The following EPB41L1 variants were observed in gnomAD, a reference collection of about 807,000 sequenced individuals.
The protein encoded by EPB41L1 is band 4.1-like protein 1.
In EPB41L1, 29 loss-of-function variants were observed where a neutral mutation model predicts 97.8. The ratio of observed to expected loss-of-function variants is 0.30; its 90% CI spans 0.22 to 0.40. EPB41L1 has a LOEUF of 0.40. Ranked by LOEUF, EPB41L1 falls within the 10% of genes least tolerant of loss-of-function variation. The pLI, the probability that EPB41L1 is intolerant of heterozygous loss-of-function variation, is 1.00. For synonymous variants in EPB41L1, 383 were observed against 459.2 expected, an observed-to-expected ratio of 0.83 and a Z score of 2.12; for missense variants, 812 against 1,162.3, an observed-to-expected ratio of 0.70 and a Z score of 4.38.
intron 1 of EPB41L1, among the ~76,000 whole-genome samples, chr20:36,111,902 G>A (rs1017971692): frequency 6.6e-6 from 1 of 152,152 alleles, no homozygotes; most frequent in African/African-American, 2.4e-5. Context: ...ACAGCAGGGG[G>A]TATAACCATG....
intron 1 of EPB41L1, among the ~76,000 whole-genome samples, chr20:36,158,533 G>A (rs1040741178): frequency 6.6e-6 from 1 of 152,214 alleles, no homozygotes; most frequent in African/African-American, 2.4e-5. Context: ...GCGGTCTGAT[G>A]TGCGTGGAAC....
intron 19 of EPB41L1, among the ~76,000 whole-genome samples, chr20:36,220,063 C>T (rs936216659): frequency 2.0e-5 from 3 of 152,274 alleles, no homozygotes; most frequent in African/African-American, 7.2e-5. Context: ...GGGAACAATA[C>T]TCTCCTCTTT....
Position 36,232,520 on chromosome 20 carries a change from G to A in EPB41L1, c.*3180G>A. 1 of 398,456 alleles carries A rather than the reference G, an allele frequency of 2.5e-6. No individual in the cohort carries two copies. Among genetic ancestry groups the A allele is most frequent in the Non-Finnish European group, 4.4e-6 (1 of 226,056 alleles). 24.7% of individuals were successfully genotyped at this position (398,456 alleles called of 1,614,324 possible). On this transcript the variant is annotated 3_prime_UTR_variant, in exon 22 of 22. Coordinates refer to ENST00000338074, the MANE Select transcript of EPB41L1 (RefSeq NM_012156.2). ...TTTTCTCTGGATCTTTTCCATCTGA[G>A]GGTACAGGAAGTACCAGGACCTGTT...
upstream of EPB41L1, chr20:36,152,925 C>T (rs536979607): frequency 1.5e-4 from 67 of 454,572 alleles, 1 homozygote; most frequent in East Asian, 4.3e-3. Context: ...TTCTGTCAGT[C>T]GGCCTGGGCA....
chr20:36,224,357 A>T (rs372469489), intron 21 of EPB41L1, among the ~76,000 whole-genome samples: 4 of 152,350 alleles, frequency 2.6e-5, no homozygotes, highest in African/African-American at 9.6e-5. Context: ...ATTAAAATTA[A>T]CTTCATCTGG....
intron 1 of EPB41L1, among the ~76,000 whole-genome samples, chr20:36,103,704 C>CT (rs398038437): frequency 0.01 from 1,423 of 135,706 alleles, 14 homozygotes; most frequent in Non-Finnish European, 0.014. Flanking sequence ...CTTTTTCTTT[C>CT]TTTTTTTTTT....
At chr20:36,135,817 G>A (rs767388715) in intron 2 of EPB41L1, among the ~76,000 whole-genome samples, 18 of 152,170 alleles carry the variant, frequency 1.2e-4, no homozygotes, top group Non-Finnish European at 2.5e-4. Context: ...TTCTGGAAAG[G>A]GGAAGGGGTG....
At chr20:36,164,675 A>G (rs1476263070) in intron 1 of EPB41L1, among the ~76,000 whole-genome samples, 2 of 151,876 alleles carry the variant, frequency 1.3e-5, no homozygotes, top group Non-Finnish European at 2.9e-5. Context: ...TTCACTTTTT[A>G]TTTATTTATT....
chr20:36,214,385 G>C lies in EPB41L1; in HGVS notation c.2213G>C (p.Arg738Thr), dbSNP rs537484275. 6.2e-7 allele frequency: 1 copy of C among 1,613,818 alleles called. No individual in the cohort carries two copies. Among genetic ancestry groups the C allele is most frequent in the South Asian group, 1.1e-5 (1 of 91,040 alleles). The change falls in exon 17 of 22, where the codon AGG becomes ACG. Residue 738 changes from arginine to threonine, a missense_variant. Arg to Thr is a moderately conservative substitution (Grantham distance 71). Coordinates refer to ENST00000338074, the MANE Select transcript of EPB41L1 (RefSeq NM_012156.2). ...GTTGATGGGAGTGCCTCAGTGGGGA[G>C]GGAGTTCATAGCAACCACTCCCTCC... ...QQVDGSASVGREFIATTPSIT... is the reference protein window; with the variant it reads ...QQVDGSASVGTEFIATTPSIT...
At chr20:36,175,779 C>T in intron 3 of EPB41L1, 64 bp downstream of exon 3, 1 of 1,587,918 alleles carries the variant, frequency 6.3e-7, no homozygotes, top group Non-Finnish European at 8.6e-7. Context: ...CCAGGGCAGG[C>T]TCCTGTGTGT....
intron 2 of EPB41L1, among the ~76,000 whole-genome samples, chr20:36,123,185 G>A (rs1399389634): frequency 3.3e-5 from 5 of 151,978 alleles, no homozygotes; most frequent in Admixed American, 3.3e-4. Context: ...GGGGGGAGGG[G>A]CAGAGGTAGA....
At chr20:36,097,391 A>G (rs2057866439) in intron 1 of EPB41L1, among the ~76,000 whole-genome samples, 1 of 152,170 alleles carries the variant, frequency 6.6e-6, no homozygotes, top group Non-Finnish European at 1.5e-5. Context: ...GTTTCACAGG[A>G]TTGTTTTGAT....
intron 2 of EPB41L1, among the ~76,000 whole-genome samples, chr20:36,134,852 CTTTTTT>C (rs764236552): frequency 3.7e-5 from 4 of 107,630 alleles, no homozygotes; most frequent in Admixed American, 1.0e-4. Flanking sequence ...TTTTCTCTGT[CTTTTTT>C]TTTTTTTTTT....
chr20:36,195,455 C>A lies in EPB41L1; in HGVS notation c.1485+91C>A. The A allele has an allele frequency of 6.9e-7, 1 of 1,453,088 alleles. No individual in the cohort carries two copies. The highest frequency in any genetic ancestry group is 1.1e-5 in the South Asian group (1 of 87,122). 90.0% of individuals were successfully genotyped at this position (1,453,088 alleles called of 1,614,324 possible). A position where few individuals can be genotyped will look rare whatever the true frequency, so the allele number is the denominator to read the frequency against. On this transcript the variant is annotated intron_variant, in intron 13 of 21. Coordinates refer to ENST00000338074, the MANE Select transcript of EPB41L1 (RefSeq NM_012156.2). The surrounding 1 kb of genome is among the most constrained non-coding windows in gnomAD (Gnocchi z 4.6). ...CACAGTCCATCCCAGGCTCACTTCC[C>A]TGGCACCATCTCAGCTTCAACTTCA...
At chr20:36,136,077 A>G (rs1350805425) in intron 2 of EPB41L1, among the ~76,000 whole-genome samples, 3 of 152,024 alleles carry the variant, frequency 2.0e-5, no homozygotes, top group Non-Finnish European at 4.4e-5. Flanking sequence ...GCATCATCTC[A>G]TGGCCTTTTA....
chr20:36,138,508 C>G (rs147176210), intron 2 of EPB41L1, among the ~76,000 whole-genome samples: 1 of 152,068 alleles, frequency 6.6e-6, no homozygotes, highest in Non-Finnish European at 1.5e-5. Flanking sequence ...GTGATCTGCC[C>G]GCCTCAGCCT....
chr20:36,171,849 G>A (rs1358762327), intron 1 of EPB41L1, among the ~76,000 whole-genome samples: 3 of 152,216 alleles, frequency 2.0e-5, no homozygotes, highest in Non-Finnish European at 4.4e-5. Context: ...TGCCATGCCA[G>A]TCTAGCCTGA....
chr20:36,128,797 C>T (rs1459280314), intron 2 of EPB41L1, among the ~76,000 whole-genome samples: 1 of 147,298 alleles, frequency 6.8e-6, no homozygotes, highest in African/African-American at 2.5e-5. Context: ...AGCTTTGTGA[C>T]CTAGCCTCTC....
intron 1 of EPB41L1, among the ~76,000 whole-genome samples, chr20:36,104,486 T>C (rs1344860777): frequency 1.3e-5 from 2 of 151,992 alleles, no homozygotes; most frequent in Non-Finnish European, 2.9e-5. Context: ...ATGCCGCCAT[T>C]GAGAGTAAGA....
Sources: allele counts gnomAD v4.1 joint callset (sites outside exome capture counted in the v4.1 genomes callset), GRCh38; gene constraint gnomAD v4.1.1; non-coding constraint Gnocchi (gnomAD v3.1); transcripts MANE v1.5; gene names NCBI Gene and HGNC (gene_info 2026-07-23, HGNC 2026-07-21).